LINGO2: variants seen among roughly 807,000 people sequenced by gnomAD.
The protein encoded by LINGO2 is leucine-rich repeat and immunoglobulin-like domain-containing nogo receptor-interacting protein 2.
LINGO2 carries 14 observed loss-of-function variants against 30.6 expected under a neutral mutation model. The observed-to-expected ratio is 0.46, with a 90% CI of 0.30 to 0.72. The LOEUF is 0.72. Ranked by LOEUF, LINGO2 falls within the 30% of genes least tolerant of loss-of-function variation. The probability of loss-of-function intolerance (pLI) is 0.07; values close to 1 mark genes in which losing one functional copy is unlikely to be tolerated. For synonymous variants in LINGO2, 317 were observed against 288.5 expected, an observed-to-expected ratio of 1.10 and a Z score of -1.00; for missense variants, 729 against 751.7, an observed-to-expected ratio of 0.97 and a Z score of 0.35.
chr9:29,160,418 C>A, the LINGO2 span, among the ~76,000 whole-genome samples: 18 of 152,154 alleles, frequency 1.2e-4, no homozygotes, highest in South Asian at 3.1e-3. Context: ...TAAAGGGGGG[C>A]AATAATAACT....
At chr9:27,989,477 G>GTA (rs150074288) in intron 5 of LINGO2, among the ~76,000 whole-genome samples, 1 of 150,124 alleles carries the variant, frequency 6.7e-6, no homozygotes, top group Admixed American at 6.7e-5. Flanking sequence ...GTGTGTGTGT[G>GTA]TATGTGTGCA....
intron 4 of LINGO2, among the ~76,000 whole-genome samples, chr9:28,236,539 A>G (rs1239956456): frequency 6.6e-6 from 1 of 152,194 alleles, no homozygotes; most frequent in Non-Finnish European, 1.5e-5. Context: ...TAGACAGTAC[A>G]TATTCAGCCA....
At chr9:29,176,355 C>G in the LINGO2 span, among the ~76,000 whole-genome samples, 1 of 152,156 alleles carries the variant, frequency 6.6e-6, no homozygotes, top group Non-Finnish European at 1.5e-5. Context: ...AGCTAATACC[C>G]GAAACATAGC....
chr9:28,210,767 G>C (rs903489057), intron 4 of LINGO2, among the ~76,000 whole-genome samples: 4 of 151,334 alleles, frequency 2.6e-5, no homozygotes, highest in Non-Finnish European at 5.9e-5. Flanking sequence ...TCATTTCCAT[G>C]AGTATTTTGT....
the LINGO2 span, among the ~76,000 whole-genome samples, chr9:29,140,629 T>C: frequency 6.6e-6 from 1 of 151,460 alleles, no homozygotes; most frequent in Non-Finnish European, 1.5e-5. Flanking sequence ...ATGGGCAAAA[T>C]TTCCCAAGTC....
chr9:29,110,029 T>C, the LINGO2 span, among the ~76,000 whole-genome samples: 1 of 152,130 alleles, frequency 6.6e-6, no homozygotes, highest in Admixed American at 6.5e-5. Context: ...GATTATCAGA[T>C]ACCCTACCCA....
At chr9:28,232,311 A>G (rs534242373) in intron 4 of LINGO2, among the ~76,000 whole-genome samples, 1 of 148,402 alleles carries the variant, frequency 6.7e-6, no homozygotes, top group East Asian at 2.0e-4. Context: ...AGGCTGGAGA[A>G]TTGCTTAATT....
At chr9:28,737,256 A>G in the LINGO2 span, among the ~76,000 whole-genome samples, 1 of 152,206 alleles carries the variant, frequency 6.6e-6, no homozygotes, top group Non-Finnish European at 1.5e-5. Context: ...CCAGTCATCC[A>G]AGCCTTGGTG....
At chr9:28,363,100 AC>A (rs1294020163) in intron 3 of LINGO2, among the ~76,000 whole-genome samples, 4 of 152,096 alleles carry the variant, frequency 2.6e-5, no homozygotes, top group Non-Finnish European at 4.4e-5. Context: ...ATATTCATAA[AC>A]CCCTCAGGAT....
intron 4 of LINGO2, among the ~76,000 whole-genome samples, chr9:28,230,556 G>C (rs1821321344): frequency 3.3e-5 from 5 of 151,666 alleles, no homozygotes; most frequent in Admixed American, 2.6e-4. Context: ...TTAATATTAT[G>C]TTTTATTTTT....
chr9:29,093,056 T>TATATATATATATATATATA, the LINGO2 span, among the ~76,000 whole-genome samples: 1 of 102,560 alleles, frequency 9.8e-6, no homozygotes, highest in African/African-American at 3.7e-5. Flanking sequence ...TATATATATA[T>TATATATATATATATATATA]GGAGAGAGAG....
the LINGO2 span, among the ~76,000 whole-genome samples, chr9:29,079,656 C>T: frequency 1.3e-5 from 2 of 152,002 alleles, no homozygotes; most frequent in South Asian, 2.1e-4. Context: ...CTTTATCTTA[C>T]TCTTAAAGAG....
intron 1 of LINGO2, among the ~76,000 whole-genome samples, chr9:28,661,147 T>C (rs549590885): frequency 2.7e-5 from 4 of 150,860 alleles, no homozygotes; most frequent in African/African-American, 9.7e-5. Context: ...TGCAGAAAAA[T>C]ATATATATAT....
the LINGO2 span, among the ~76,000 whole-genome samples, chr9:29,173,542 T>C: frequency 6.6e-6 from 1 of 152,060 alleles, no homozygotes; most frequent in Non-Finnish European, 1.5e-5. Flanking sequence ...AGAAGAAAAA[T>C]CAAAAGTGAT....
chr9:28,091,832 A>G (rs1826099193), intron 4 of LINGO2, among the ~76,000 whole-genome samples: 1 of 152,168 alleles, frequency 6.6e-6, no homozygotes, highest in South Asian at 2.1e-4. Context: ...AGAATCTACA[A>G]AGAACTCAAA....
At chr9:28,070,683 C>G (rs1211945627) in intron 4 of LINGO2, among the ~76,000 whole-genome samples, 1 of 151,962 alleles carries the variant, frequency 6.6e-6, no homozygotes, top group African/African-American at 2.4e-5. Context: ...TGTTATAGGG[C>G]CATGGACCAG....
At chr9:28,322,438 TACACACACAC>T (rs61397051) in intron 3 of LINGO2, among the ~76,000 whole-genome samples, 2,052 of 150,564 alleles carry the variant, frequency 0.014, 40 homozygotes, top group African/African-American at 0.044. Context: ...AGGCACTCAG[TACACACACAC>T]ACACACACAC....
At chr9:28,565,508 T>A (rs928619102) in intron 1 of LINGO2, among the ~76,000 whole-genome samples, 9 of 150,578 alleles carry the variant, frequency 6.0e-5, no homozygotes, top group South Asian at 2.1e-4. Flanking sequence ...TTTATTTTTT[T>A]TTTTTTACAG....
At chr9:28,565,505 T>TTA (rs1554638469) in intron 1 of LINGO2, among the ~76,000 whole-genome samples, 4 of 150,838 alleles carry the variant, frequency 2.7e-5, no homozygotes, top group Admixed American at 6.6e-5. Flanking sequence ...ATTTTTATTT[T>TTA]TTTTTTTTTA....
Sources: gnomAD v4.1 joint callset for allele counts (sites outside exome capture counted in the v4.1 genomes callset) on GRCh38, gnomAD v4.1.1 for gene constraint, MANE v1.5 for transcripts, NCBI Gene and HGNC (gene_info 2026-07-23, HGNC 2026-07-21) for gene names.